The following COL4A6 variants were observed in gnomAD, a reference collection of about 807,000 sequenced individuals.
The protein encoded by COL4A6 is collagen alpha-6(IV) chain.
In COL4A6, 59 loss-of-function variants were observed where a neutral mutation model predicts 126.7. The observed-to-expected ratio is 0.47, with a 90% CI of 0.38 to 0.58. The LOEUF (loss-of-function observed/expected upper bound fraction) is 0.58. Ranked by LOEUF, COL4A6 falls within the 20% of genes least tolerant of loss-of-function variation. The pLI, the probability that COL4A6 is intolerant of heterozygous loss-of-function variation, is 0.00. For synonymous variants in COL4A6, 547 were observed against 496.6 expected, an observed-to-expected ratio of 1.10 and a Z score of -1.35; for missense variants, 1,285 against 1,337.3, an observed-to-expected ratio of 0.96 and a Z score of 0.61.
At chrX:108,291,315 CT>C (rs2038156644) in intron 3 of COL4A6, among the ~76,000 whole-genome samples, 1 of 112,286 alleles carries the variant, frequency 8.9e-6, no homozygotes, top group Non-Finnish European at 1.9e-5. Context: ...TCATTTCAAC[CT>C]TTTTTAAAAA....
At chrX:108,233,781 T>C (rs183036805) in intron 3 of COL4A6, among the ~76,000 whole-genome samples, 2 of 111,898 alleles carry the variant, frequency 1.8e-5, no homozygotes, top group East Asian at 5.7e-4. Context: ...TCATAGACAA[T>C]CATGGATTTG....
chrX:108,386,441 G>A (rs2040694327), intron 2 of COL4A6, among the ~76,000 whole-genome samples: 1 of 112,137 alleles, frequency 8.9e-6, no homozygotes. Flanking sequence ...ACCTCATTGT[G>A]GTTTTGATTT....
chrX:108,402,406 G>A (rs2041107764), intron 2 of COL4A6, among the ~76,000 whole-genome samples: 1 of 110,604 alleles, frequency 9.0e-6, no homozygotes, highest in South Asian at 3.8e-4. Flanking sequence ...CCTTGCCAGA[G>A]GTTTTTCAGT....
chrX:108,425,484 T>A (rs752155071), intron 2 of COL4A6, among the ~76,000 whole-genome samples: 12 of 110,241 alleles, frequency 1.1e-4, no homozygotes, highest in Admixed American at 3.9e-4. Flanking sequence ...CTGTAATCTC[T>A]GCACTTTGGG....
intron 3 of COL4A6, among the ~76,000 whole-genome samples, chrX:108,285,960 T>C (rs770986254): frequency 8.9e-6 from 1 of 111,920 alleles, no homozygotes; most frequent in East Asian, 2.8e-4. Flanking sequence ...AAGAAGGATC[T>C]GGTGTTCTAA....
chrX:108,379,199 T>G (rs774226184), intron 2 of COL4A6, among the ~76,000 whole-genome samples: 32 of 112,133 alleles, frequency 2.9e-4, no homozygotes, highest in Non-Finnish European at 5.6e-4. Context: ...TCACCCTGTT[T>G]TATGTCCAGG....
chrX:108,180,893 A>G lies in COL4A6; in HGVS notation c.2023+4T>C, dbSNP rs375742203. The stretch of plus-strand genomic sequence containing the variant: ...TAGTGGCTTTCTCTGGCCTCATTCC[A>G]TACCTGGGAATCCGGGAGTGCCTGG... On this transcript the variant is annotated splice_donor_region_variant and intron_variant, in intron 24 of 44. Coordinates refer to ENST00000334504, the MANE Select transcript of COL4A6 (RefSeq NM_033641.4). 1.0e-4 allele frequency: 125 copies of G among 1,205,554 alleles called. 1 individual carries two copies. The highest frequency in any genetic ancestry group is 1.3e-4 in the Non-Finnish European group (117 of 891,254).
chrX:108,207,595 ACATCTGTG>A (rs781690742), intron 8 of COL4A6, among the ~76,000 whole-genome samples: 1 of 112,092 alleles, frequency 8.9e-6, no homozygotes, highest in South Asian at 3.7e-4. Context: ...TGTGGGTTCC[ACATCTGTG>A]GATTCAACCA....
intron 2 of COL4A6, among the ~76,000 whole-genome samples, chrX:108,374,573 G>T (rs753677385): frequency 8.9e-6 from 1 of 111,965 alleles, no homozygotes; most frequent in Non-Finnish European, 1.9e-5. Context: ...AGGTTCTCAG[G>T]AGTGAGTAAA....
intron 2 of COL4A6, among the ~76,000 whole-genome samples, chrX:108,415,602 A>C (rs958768940): frequency 1.8e-5 from 2 of 111,982 alleles, no homozygotes; most frequent in African/African-American, 6.5e-5. Flanking sequence ...AATATATATA[A>C]ATACTCTAAA....
At chrX:108,385,547 A>G (rs937523955) in intron 2 of COL4A6, among the ~76,000 whole-genome samples, 2 of 111,374 alleles carry the variant, frequency 1.8e-5, no homozygotes, top group African/African-American at 3.3e-5. Context: ...CAATTTTGAA[A>G]AATAAGAATA....
At chrX:108,421,758 G>T (rs1408888181) in intron 2 of COL4A6, among the ~76,000 whole-genome samples, 1 of 111,305 alleles carries the variant, frequency 9.0e-6, no homozygotes, top group Non-Finnish European at 1.9e-5. Context: ...ACTAACTTAA[G>T]AACCCCAGGT....
At chrX:108,281,570 C>T (rs1257658849) in intron 3 of COL4A6, among the ~76,000 whole-genome samples, 195 of 111,397 alleles carry the variant, frequency 1.8e-3, no homozygotes, top group Non-Finnish European at 3.1e-3. Context: ...GCCATACTGC[C>T]CAAGGCAATT....
At chrX:108,318,173 AC>A (rs1259095376) in intron 2 of COL4A6, among the ~76,000 whole-genome samples, 38 of 111,348 alleles carry the variant, frequency 3.4e-4, no homozygotes, top group African/African-American at 1.1e-3. Context: ...AAATTCAACA[AC>A]CCTTCATGCT....
chrX:108,363,458 A>C (rs1246064516), intron 2 of COL4A6, among the ~76,000 whole-genome samples: 1 of 112,038 alleles, frequency 8.9e-6, no homozygotes, highest in Non-Finnish European at 1.9e-5. Context: ...GCAGGTTATA[A>C]AAATAAAAAG....
chrX:108,232,246 A>G (rs949455021), intron 3 of COL4A6, among the ~76,000 whole-genome samples: 1 of 112,205 alleles, frequency 8.9e-6, no homozygotes, highest in Non-Finnish European at 1.9e-5. Flanking sequence ...CACATTCATA[A>G]AACTATTATC....
In COL4A6 at chrX:108,438,006, G is replaced by C; in HGVS notation, c.12-13C>G. On this transcript the variant is annotated splice_polypyrimidine_tract_variant and intron_variant, in intron 1 of 44. Coordinates refer to ENST00000334504, the MANE Select transcript of COL4A6 (RefSeq NM_033641.4). ...GAGCAGCCACAACCTGAAATGGGAG[G>C]GAGGGTGAGTAATGGGCTCTCTAGG... 4 of 1,210,069 alleles carry C rather than the reference G, an allele frequency of 3.3e-6. No homozygotes were observed. Among genetic ancestry groups the C allele is most frequent in the Non-Finnish European group, 4.5e-6 (4 of 894,488 alleles).
intron 24 of COL4A6, 137 bp from the exon 25 acceptor site, chrX:108,180,759 C>A: frequency 1.2e-6 from 1 of 801,408 alleles, no homozygotes. Context: ...TCTCCAGCAG[C>A]CATCCTGTTT....
At chrX:108,298,943 A>G (rs1436216202) in intron 3 of COL4A6, among the ~76,000 whole-genome samples, 1 of 111,220 alleles carries the variant, frequency 9.0e-6, no homozygotes, top group African/African-American at 3.3e-5. Flanking sequence ...GGTACCAATT[A>G]CAGGAGCAAT....
Sources: allele counts gnomAD v4.1 joint callset (sites outside exome capture counted in the v4.1 genomes callset), GRCh38; gene constraint gnomAD v4.1.1; transcripts MANE v1.5; gene names NCBI Gene and HGNC (gene_info 2026-07-23, HGNC 2026-07-21).